Variants in TMEM273 observed in about 807,000 individuals in gnomAD.
The protein encoded by TMEM273 is transmembrane protein 273, also known as chromosome 10 open reading frame 128.
Under a neutral mutation model 17.9 loss-of-function variants are expected in TMEM273, and 19 were observed. The ratio of observed to expected loss-of-function variants is 1.06; its 90% confidence interval spans 0.74 to 1.55. The LOEUF (loss-of-function observed/expected upper bound fraction) is 1.55, where lower values mean the gene tolerates loss of function less well. Ranked by LOEUF, TMEM273 falls within the 40% of genes most tolerant of loss-of-function variation. TMEM273 has a pLI of 0.00. For synonymous variants in TMEM273, 66 were observed against 62.0 expected (o/e 1.07, Z -0.31); for missense variants, 194 against 155.6 (o/e 1.25, Z -1.31).
At chr10:49,166,444 C>A (rs999117179) in intron 3 of TMEM273, 2 of 254,910 alleles carry the variant, frequency 7.8e-6, no homozygotes, top group Non-Finnish European at 1.5e-5. Flanking sequence ...TTAGGACCAA[C>A]CTCGCTGCCT....
Position 49,161,534 on chromosome 10 carries a change from G to A in TMEM273, c.372+65C>T, listed in dbSNP as rs1386942628. The stretch of plus-strand genomic sequence containing the variant: ...GGGAGAGGTCATGCCGAAAACCCAT[G>A]CAGCCCCATGGGGCAGAGACTGCCT... On this transcript the variant is annotated intron_variant, in intron 6 of 6. Transcript: ENST00000374153. 1.9e-6 allele frequency: 3 copies of A among 1,605,164 alleles called. No homozygotes were observed. In the South Asian group the frequency reaches 3.3e-5, roughly 18 times the overall value.
chr10:49,164,178 C>T (rs1846019361), intron 5 of TMEM273, among the ~76,000 whole-genome samples: 1 of 152,166 alleles, frequency 6.6e-6, no homozygotes, highest in South Asian at 2.1e-4. Context: ...AAAATATCAT[C>T]TCACCCAGCT....
At chr10:49,183,223 C>T (rs1440512993) in intron 1 of TMEM273, among the ~76,000 whole-genome samples, 2 of 152,028 alleles carry the variant, frequency 1.3e-5, no homozygotes, top group Non-Finnish European at 2.9e-5. Flanking sequence ...ATTTTGTCAA[C>T]ATTAAATTTC....
chr10:49,179,341 T>C (rs1847196804), intron 1 of TMEM273, among the ~76,000 whole-genome samples: 2 of 152,164 alleles, frequency 1.3e-5, no homozygotes, highest in Non-Finnish European at 2.9e-5. Context: ...TCATCAGGGA[T>C]TGAGGATCAG....
chr10:49,170,203 T>C (rs1189856561), intron 1 of TMEM273, among the ~76,000 whole-genome samples: 2 of 152,200 alleles, frequency 1.3e-5, no homozygotes, highest in Non-Finnish European at 2.9e-5. Context: ...CAGGCTGTGC[T>C]TGAGTCACTC....
chr10:49,185,353 G>C (rs552201423), intron 1 of TMEM273, among the ~76,000 whole-genome samples: 1 of 152,076 alleles, frequency 6.6e-6, no homozygotes, highest in East Asian at 1.9e-4. Flanking sequence ...GTCATACTTG[G>C]GATCCTGGAT....
chr10:49,174,610 T>C (rs1185736708), intron 1 of TMEM273, among the ~76,000 whole-genome samples: 3 of 152,192 alleles, frequency 2.0e-5, no homozygotes, highest in African/African-American at 7.2e-5. Flanking sequence ...TTGTGGTCCT[T>C]GCTTTCTGTG....
At chr10:49,178,088 C>A in intron 1 of TMEM273, 1 of 425,584 alleles carries the variant, frequency 2.3e-6, no homozygotes, top group Non-Finnish European at 4.8e-6. Flanking sequence ...GGCACTGCAG[C>A]CAGGCACTCT....
At chr10:49,171,734 G>C (rs1346264389) in intron 1 of TMEM273, among the ~76,000 whole-genome samples, 1 of 152,222 alleles carries the variant, frequency 6.6e-6, no homozygotes, top group East Asian at 1.9e-4. Flanking sequence ...AGCCACCCCA[G>C]CTCCTGGGGA....
At chr10:49,176,603 C>G (rs559276671) in intron 1 of TMEM273, among the ~76,000 whole-genome samples, 1 of 152,352 alleles carries the variant, frequency 6.6e-6, no homozygotes, top group South Asian at 2.1e-4. Flanking sequence ...AATATTCATA[C>G]TGTGCTCTTC....
chr10:49,178,377 G>A (rs945409509), intron 1 of TMEM273: 10 of 444,552 alleles, frequency 2.2e-5, no homozygotes, highest in Non-Finnish European at 4.5e-5. Context: ...GCAGGTTCTA[G>A]AGCAATGGCC....
Position 49,160,031 on chromosome 10 carries a change from T to G in TMEM273, c.372+1568A>C, listed in dbSNP as rs75832578. Among the ~76,000 whole-genome samples, 45 of 152,362 alleles carry G rather than the reference T, an allele frequency of 3.0e-4. No individual in the cohort carries two copies. In the East Asian group the frequency reaches 6.6e-3, roughly 22 times the overall value. On this transcript the variant is annotated intron_variant, in intron 6 of 6. Coordinates refer to ENST00000374153, the MANE Select transcript of TMEM273 (RefSeq NM_001288740.3). ...GAAAGGGGAGATAGAATAAAAAGGCTTCCTTGTGGATGAATGTCAGCTATT... is the reference window on the plus strand; with the variant it reads ...GAAAGGGGAGATAGAATAAAAAGGCGTCCTTGTGGATGAATGTCAGCTATT...
chr10:49,161,616 G>A lies in TMEM273; in HGVS notation c.355C>T (p.Pro119Ser), dbSNP rs200296372. Residue 119 changes from proline to serine, a missense_variant, in exon 6 of 7, where the codon CCA (proline) becomes TCA (serine). Transcript: ENST00000374153. Reference sequence around the variant, plus strand: ...CAACTCACCTTTTGGAGAAATTGTGGTTTCGCCTGCAAAACAAGATAAAAG... The same window carrying A: ...CAACTCACCTTTTGGAGAAATTGTGATTTCGCCTGCAAAACAAGATAAAAG... ...CIMEGLFKAKPQFLQKRCTGD is the reference protein window; with the variant it reads ...CIMEGLFKAKSQFLQKRCTGD 23 of 1,614,208 alleles carry A rather than the reference G, an allele frequency of 1.4e-5. No homozygotes were observed. In the African/African-American group the frequency reaches 2.1e-4, roughly 15 times the overall value.
In TMEM273 at chr10:49,155,702, G is replaced by C. The variant is rs1377298543; in HGVS notation, c.*190C>G. ...GTGCAGTCCGTTTCTTCCAGAAGAG[G>C]CATGATATTTTCCTTCAGGACAGAG... is the stretch of plus-strand genomic sequence containing the variant. On this transcript the variant is annotated 3_prime_UTR_variant, in exon 7 of 7. Coordinates refer to ENST00000374153, the MANE Select transcript of TMEM273 (RefSeq NM_001288740.3). 3 of 732,470 alleles carry C rather than the reference G, an allele frequency of 4.1e-6. No individual in the cohort carries two copies. Among genetic ancestry groups the C allele is most frequent in the Middle Eastern group, 6.2e-4 (2 of 3,248 alleles). The allele number at this position is 732,470 out of a possible 1,614,324, so 45.4% of individuals were successfully genotyped here. A position where few individuals can be genotyped will look rare whatever the true frequency, so the allele number is the denominator to read the frequency against.
At chr10:49,162,008 T>C (rs1475629696) in intron 5 of TMEM273, among the ~76,000 whole-genome samples, 1 of 152,210 alleles carries the variant, frequency 6.6e-6, no homozygotes. Context: ...TGTTTTCTCA[T>C]GAACTTCGCT....
intron 6 of TMEM273, 75 bp downstream of exon 6, chr10:49,161,524 G>A (rs760627015): frequency 1.8e-5 from 29 of 1,601,208 alleles, no homozygotes; most frequent in African/African-American, 1.6e-4. Context: ...AGGTCATGCC[G>A]AAAACCCATG....
At chr10:49,177,618 G>A (rs937695588) in intron 1 of TMEM273, among the ~76,000 whole-genome samples, 1 of 152,208 alleles carries the variant, frequency 6.6e-6, no homozygotes, top group African/African-American at 2.4e-5. Flanking sequence ...CTGGCTCCGA[G>A]GAAGAGTCTC....
At chr10:49,156,431 G>C (rs977903417) in intron 6 of TMEM273, among the ~76,000 whole-genome samples, 2 of 152,192 alleles carry the variant, frequency 1.3e-5, no homozygotes, top group Admixed American at 1.3e-4. Context: ...TGGAAGAGAA[G>C]ATGAGTCAAC....
intron 1 of TMEM273, among the ~76,000 whole-genome samples, chr10:49,172,658 A>G (rs1219880544): frequency 6.6e-6 from 1 of 152,242 alleles, no homozygotes; most frequent in African/African-American, 2.4e-5. Flanking sequence ...CCCATTGCTC[A>G]GCCAGTGGCC....
Sources: gnomAD v4.1 joint callset for allele counts (sites outside exome capture counted in the v4.1 genomes callset) on GRCh38, gnomAD v4.1.1 for gene constraint, MANE v1.5 for transcripts, NCBI Gene and HGNC (gene_info 2026-07-23, HGNC 2026-07-21) for gene names.